PIGX: variants seen among roughly 807,000 people sequenced by gnomAD.
PIGX encodes the protein GPI alpha-1,4-mannosyltransferase I, stabilizing subunit.
In PIGX, 24 loss-of-function variants were observed where a neutral mutation model predicts 28.7. The ratio of observed to expected loss-of-function variants is 0.84; its 90% CI spans 0.60 to 1.17. The LOEUF is 1.17. PIGX is among the 50% of genes most tolerant of loss of function. The probability of loss-of-function intolerance (pLI) is 0.00; values close to 1 mark genes in which losing one functional copy is unlikely to be tolerated. For missense variants in PIGX, 305 were observed against 317.8 expected, an observed-to-expected ratio of 0.96 and a Z score of 0.31; for synonymous variants, 127 against 121.0, an observed-to-expected ratio of 1.05 and a Z score of -0.33.
At chr3:196,726,683 T>A (rs1228571621) in intron 3 of PIGX, 1 of 456,536 alleles carries the variant, frequency 2.2e-6, no homozygotes, top group African/African-American at 2.0e-5. Context: ...CGGCTATGGT[T>A]GCCTTCTGAT....
Position 196,735,820 on chromosome 3 carries a change from A to G in PIGX, c.*1918A>G, listed in dbSNP as rs554638052. 30 of 152,318 alleles carry G rather than the reference A, an allele frequency of 2.0e-4. 1 individual carries two copies. The highest frequency in any genetic ancestry group is 7.2e-4 in the African/African-American group (30 of 41,582). The allele number at this position is 152,318 out of a possible 1,614,324, so 9.4% of individuals were successfully genotyped here. ...TGGAATATGGTTAGACGGGGAGGGA[A>G]CACGGTACTGTTTAACATCTTAAGA... On this transcript the variant is annotated 3_prime_UTR_variant, in exon 6 of 6. Transcript: ENST00000392391.
At chr3:196,726,436 A>T (rs1455351132) in intron 3 of PIGX, among the ~76,000 whole-genome samples, 1 of 152,232 alleles carries the variant, frequency 6.6e-6, no homozygotes, top group Non-Finnish European at 1.5e-5. Flanking sequence ...ACTGCACTCC[A>T]GCCTGGGTGA....
In PIGX at chr3:196,728,111, A is replaced by G; in HGVS notation, c.507A>G (p.Pro169=). The G allele has an allele frequency of 6.2e-7, 1 of 1,614,078 alleles. No homozygotes were observed. ...AAGCCTCGATTGTGGTCAATAACCC[A>G]GATTTGTTGATGTTTTGTGACCAAG... The change falls in exon 4 of 6, where the codon CCA becomes CCG. Residue 169 remains proline, a synonymous_variant. Coordinates refer to ENST00000392391, the MANE Select transcript of PIGX (RefSeq NM_017861.4).
rs959691135 is a variant in PIGX, at chr3:196,735,666, A to C, written c.*1764A>C. On this transcript the variant is annotated 3_prime_UTR_variant, in exon 6 of 6. Transcript: ENST00000392391. ...ACCTATTTCATGCTTTCTCGTAAGAAAGAATTTCATGTTTTAGAAACATTT... is the reference window on the plus strand; with the variant it reads ...ACCTATTTCATGCTTTCTCGTAAGACAGAATTTCATGTTTTAGAAACATTT... 5.9e-5 allele frequency: 9 copies of C among 152,252 alleles called. No individual in the cohort carries two copies. The highest frequency in any genetic ancestry group is 1.2e-4 in the Non-Finnish European group (8 of 68,044). The allele number at this position is 152,252 out of a possible 1,614,324, so 9.4% of individuals were successfully genotyped here.
At chr3:196,719,986 G>A (rs1560076217) in intron 2 of PIGX, among the ~76,000 whole-genome samples, 1 of 152,118 alleles carries the variant, frequency 6.6e-6, no homozygotes, top group Non-Finnish European at 1.5e-5. Context: ...CACCATGTTG[G>A]CCAGGCTAGT....
intron 3 of PIGX, among the ~76,000 whole-genome samples, chr3:196,723,736 AT>A (rs1231840627): frequency 2.0e-5 from 3 of 151,852 alleles, no homozygotes; most frequent in African/African-American, 7.3e-5. Flanking sequence ...CTACTTACGA[AT>A]TTTTAAAACT....
chr3:196,732,309 T>C (rs1170955387), intron 5 of PIGX, among the ~76,000 whole-genome samples: 2 of 130,254 alleles, frequency 1.5e-5, no homozygotes, highest in African/African-American at 5.9e-5. Context: ...TGAGACGGAG[T>C]CTCGCTCTGT....
At chr3:196,720,074 G>A (rs1031967035) in intron 2 of PIGX, among the ~76,000 whole-genome samples, 12 of 152,312 alleles carry the variant, frequency 7.9e-5, no homozygotes, top group Admixed American at 1.3e-4. Flanking sequence ...CACCGCGCCC[G>A]GCCTAATTTT....
intron 5 of PIGX, among the ~76,000 whole-genome samples, chr3:196,732,268 TTTA>T (rs1553797142): frequency 5.0e-5 from 2 of 39,730 alleles, no homozygotes; most frequent in African/African-American, 2.1e-4. Context: ...TTTATTTTAT[TTTA>T]TTTTTTTTTT....
At chr3:196,721,178 A>G in intron 2 of PIGX, 1 of 374,716 alleles carries the variant, frequency 2.7e-6, no homozygotes. Context: ...CTTTTTTAGG[A>G]ACTCCAAATA....
chr3:196,714,003 C>T (rs998281925), intron 1 of PIGX, among the ~76,000 whole-genome samples: 4 of 152,144 alleles, frequency 2.6e-5, no homozygotes, highest in Non-Finnish European at 5.9e-5. Context: ...ATTTGCTGTA[C>T]TATTTGTAAA....
chr3:196,720,197 C>T (rs1033130311), intron 2 of PIGX, among the ~76,000 whole-genome samples: 3 of 152,248 alleles, frequency 2.0e-5, no homozygotes, highest in Non-Finnish European at 2.9e-5. Context: ...AACTCCTTGC[C>T]TATTGAGCAA....
Position 196,734,954 on chromosome 3 carries a change from A to T in PIGX, c.*1052A>T, listed in dbSNP as rs1433810985. On this transcript the variant is annotated 3_prime_UTR_variant, in exon 6 of 6. Coordinates refer to ENST00000392391, the MANE Select transcript of PIGX (RefSeq NM_017861.4). ...CAAAGGTTCTTCATTTACTGTTATG[A>T]TTGGAAAAAAATTAGAAAATAAAGT... is the stretch of plus-strand genomic sequence containing the variant. 1 of 152,130 alleles carries T rather than the reference A, an allele frequency of 6.6e-6. No individual in the cohort carries two copies. The highest frequency in any genetic ancestry group is 2.4e-5 in the African/African-American group (1 of 41,428). 9.4% of individuals were successfully genotyped at this position (152,130 alleles called of 1,614,324 possible).
intron 5 of PIGX, among the ~76,000 whole-genome samples, chr3:196,732,216 T>TTTTATA (rs1553797085): frequency 5.8e-5 from 3 of 51,378 alleles, no homozygotes; most frequent in Non-Finnish European, 9.9e-5. Flanking sequence ...TATATATTAT[T>TTTTATA]TATATATATA....
chr3:196,728,493 CT>C lies in PIGX; in HGVS notation c.532+358del. 3 of 605,832 alleles carry C rather than the reference CT, an allele frequency of 5.0e-6. No homozygotes were observed. In the South Asian group the frequency reaches 6.1e-5, roughly 12 times the overall value. 37.5% of individuals were successfully genotyped at this position (605,832 alleles called of 1,614,324 possible). A position where few individuals can be genotyped will look rare whatever the true frequency, so the allele number is the denominator to read the frequency against. On this transcript the variant is annotated intron_variant, in intron 4 of 5. Coordinates refer to ENST00000392391, the MANE Select transcript of PIGX (RefSeq NM_017861.4). ...TCATCCAGATGGGCATTCCAAGACA[CT>C]ATACCAAGACTAAGGTCTTGTCCAT...
At chr3:196,727,755 C>T (rs560068107) in intron 3 of PIGX, among the ~76,000 whole-genome samples, 168 bp from the exon 4 acceptor site, 1 of 151,880 alleles carries the variant, frequency 6.6e-6, no homozygotes, top group Non-Finnish European at 1.5e-5. Flanking sequence ...ATAAATTGGT[C>T]TTGTGTTTTT....
chr3:196,725,653 A>T (rs999163914), intron 3 of PIGX, among the ~76,000 whole-genome samples: 1 of 152,202 alleles, frequency 6.6e-6, no homozygotes, highest in African/African-American at 2.4e-5. Context: ...ATCAGTGTGT[A>T]TATGTTAGGA....
intron 1 of PIGX, 127 bp downstream of exon 1, chr3:196,712,771 C>G (rs1040728297): frequency 9.0e-7 from 1 of 1,107,706 alleles, no homozygotes; most frequent in African/African-American, 1.7e-5. Flanking sequence ...CGGAGGAGGT[C>G]AGACACTAGA....
At position 196,735,785 on chromosome 3, in the gene PIGX, G is replaced by T. The variant is rs1445590081; in HGVS notation, c.*1883G>T. The T allele has an allele frequency of 6.6e-6, 1 of 152,154 alleles. No individual in the cohort carries two copies. The highest frequency in any genetic ancestry group is 1.5e-5 in the Non-Finnish European group (1 of 68,028). The allele number at this position is 152,154 out of a possible 1,614,324, so 9.4% of individuals were successfully genotyped here. A position where few individuals can be genotyped will look rare whatever the true frequency, so the allele number is the denominator to read the frequency against. On this transcript the variant is annotated 3_prime_UTR_variant, in exon 6 of 6. Coordinates refer to ENST00000392391, the MANE Select transcript of PIGX (RefSeq NM_017861.4). ...GTTTTGGGATATGGTTAGATTGACA[G>T]GCAACGTTTTGGAATATGGTTAGAC...
Sources: allele counts gnomAD v4.1 joint callset (sites outside exome capture counted in the v4.1 genomes callset), GRCh38; gene constraint gnomAD v4.1.1; transcripts MANE v1.5; gene names NCBI Gene and HGNC (gene_info 2026-07-23, HGNC 2026-07-21).